The following ATP8A2 variants were observed in gnomAD, a reference collection of about 807,000 sequenced individuals.
ATP8A2 encodes the protein ATPase phospholipid transporting 8A2.
ATP8A2 carries 100 observed loss-of-function variants against 165.6 expected under a neutral mutation model. That is an observed-to-expected ratio of 0.60 (90% CI 0.51 to 0.71). The LOEUF is 0.71. ATP8A2 is among the 30% of genes least tolerant of loss of function. ATP8A2 has a pLI of 0.00. For synonymous variants in ATP8A2, 543 were observed against 548.8 expected, an observed-to-expected ratio of 0.99 and a Z score of 0.15; for missense variants, 1,227 against 1,479.5, an observed-to-expected ratio of 0.83 and a Z score of 2.80.
chr13:25,772,373 T>A (rs922780184), intron 26 of ATP8A2, among the ~76,000 whole-genome samples: 1 of 152,182 alleles, frequency 6.6e-6, no homozygotes, highest in Non-Finnish European at 1.5e-5. Flanking sequence ...CCCATTGAAG[T>A]TTAACATCAG....
intron 1 of ATP8A2, 172 bp from the exon 2 acceptor site, chr13:25,468,805 G>A (rs1315403197): frequency 3.1e-6 from 3 of 982,786 alleles, no homozygotes; most frequent in Non-Finnish European, 3.6e-6. Context: ...CTTGGCTGCC[G>A]CGGCACAGGC....
intron 33 of ATP8A2, among the ~76,000 whole-genome samples, chr13:25,895,352 T>G (rs912472786): frequency 7.9e-5 from 12 of 152,216 alleles, no homozygotes; most frequent in Non-Finnish European, 1.5e-4. Context: ...TTTTCGTATG[T>G]TGAACCAGCC....
Position 25,574,718 on chromosome 13 carries a change from C to G in ATP8A2, c.1663-90C>G, listed in dbSNP as rs1317728031. 6 of 789,812 alleles carry G rather than the reference C, an allele frequency of 7.6e-6. No individual in the cohort carries two copies. In the East Asian group the frequency reaches 1.5e-4, roughly 19 times the overall value. 48.9% of individuals were successfully genotyped at this position (789,812 alleles called of 1,614,324 possible). On this transcript the variant is annotated intron_variant, in intron 18 of 36. Coordinates refer to ENST00000381655, the MANE Select transcript of ATP8A2 (RefSeq NM_016529.6). ...AGAAGGTGGGAAGAGAGAGAGAGAG[C>G]ATATATATGTCTGTTTATGCTTGGG...
At chr13:25,435,392 TACAGGCGTGAACC>T (rs1465306061) in intron 1 of ATP8A2, among the ~76,000 whole-genome samples, 1 of 152,134 alleles carries the variant, frequency 6.6e-6, no homozygotes, top group Non-Finnish European at 1.5e-5. Flanking sequence ...GTCCTGAGAT[TACAGGCGTGAACC>T]ACCGCGCCCG....
intron 1 of ATP8A2, among the ~76,000 whole-genome samples, chr13:25,458,925 G>A (rs1178193583): frequency 6.6e-6 from 1 of 152,202 alleles, no homozygotes; most frequent in African/African-American, 2.4e-5. Context: ...AGCAGGTGCT[G>A]TAGTCTCTGC....
At chr13:25,860,927 A>G (rs1321526196) in intron 32 of ATP8A2, 67 bp downstream of exon 32, 18 of 1,124,596 alleles carry the variant, frequency 1.6e-5, no homozygotes, top group Non-Finnish European at 1.3e-6. Flanking sequence ...TTTCTTTTTA[A>G]GCCTTGGGGA....
At chr13:25,702,054 A>G (rs976656285) in intron 25 of ATP8A2, among the ~76,000 whole-genome samples, 1 of 152,226 alleles carries the variant, frequency 6.6e-6, no homozygotes, top group Non-Finnish European at 1.5e-5. Context: ...TGTACACTTC[A>G]GATGTACTTA....
chr13:25,679,304 G>A (rs1425369808), intron 24 of ATP8A2, among the ~76,000 whole-genome samples: 2 of 152,174 alleles, frequency 1.3e-5, no homozygotes, highest in East Asian at 3.9e-4. Flanking sequence ...GGACATTCTG[G>A]TTGTAAGCAC....
At chr13:25,656,436 C>G (rs915219566) in intron 24 of ATP8A2, among the ~76,000 whole-genome samples, 2 of 151,664 alleles carry the variant, frequency 1.3e-5, no homozygotes, top group African/African-American at 4.8e-5. Flanking sequence ...CCATGATGCC[C>G]GGCTAATTTT....
At chr13:25,869,643 G>T (rs1049777757) in intron 33 of ATP8A2, among the ~76,000 whole-genome samples, 1 of 152,254 alleles carries the variant, frequency 6.6e-6, no homozygotes, top group African/African-American at 2.4e-5. Context: ...AGACATGTCA[G>T]TAACAGTAGG....
intron 1 of ATP8A2, among the ~76,000 whole-genome samples, chr13:25,421,453 G>GC (rs998645096): frequency 4.6e-5 from 7 of 152,138 alleles, no homozygotes; most frequent in African/African-American, 1.7e-4. Context: ...TCCCACCTCA[G>GC]CCCCCCAAGT....
intron 33 of ATP8A2, among the ~76,000 whole-genome samples, chr13:25,952,128 T>C (rs1172709300): frequency 6.6e-6 from 1 of 152,202 alleles, no homozygotes; most frequent in Non-Finnish European, 1.5e-5. Context: ...ACACAGGGCT[T>C]CTGAAATGAG....
chr13:25,799,561 T>TA (rs1950575834), intron 27 of ATP8A2, among the ~76,000 whole-genome samples: 1 of 152,214 alleles, frequency 6.6e-6, no homozygotes, highest in African/African-American at 2.4e-5. Flanking sequence ...AGAAGTTTGT[T>TA]ACTTGAAAAT....
At chr13:25,845,893 T>A (rs1456667830) in intron 30 of ATP8A2, among the ~76,000 whole-genome samples, 1 of 152,058 alleles carries the variant, frequency 6.6e-6, no homozygotes, top group Non-Finnish European at 1.5e-5. Context: ...GATAAAAGAG[T>A]GGCTGGGCAC....
chr13:25,739,300 A>G lies in ATP8A2; in HGVS notation c.2385-29746A>G, dbSNP rs530285109. Among the ~76,000 whole-genome samples, 372 of 152,342 alleles carry G rather than the reference A, an allele frequency of 2.4e-3. 1 individual carries two copies. Among genetic ancestry groups the G allele is most frequent in the African/African-American group, 8.4e-3 (351 of 41,582 alleles). ...ATCAGGGGCTTTGAGTGTATCTCAC[A>G]TATCATAAGTGGAGCTTGTTCACCT... On this transcript the variant is annotated intron_variant, in intron 25 of 36. Coordinates refer to ENST00000381655, the MANE Select transcript of ATP8A2 (RefSeq NM_016529.6).
chr13:25,769,464 C>T (rs575410590), intron 26 of ATP8A2, among the ~76,000 whole-genome samples: 1 of 152,332 alleles, frequency 6.6e-6, no homozygotes, highest in South Asian at 2.1e-4. Flanking sequence ...GGCCAAGCTG[C>T]TCTGTGATCC....
chr13:26,017,040 G>A (rs1187543130), intron 36 of ATP8A2, among the ~76,000 whole-genome samples: 1 of 152,184 alleles, frequency 6.6e-6, no homozygotes, highest in Non-Finnish European at 1.5e-5. Context: ...GCAGCCACTT[G>A]GGGCCACCAG....
At chr13:25,976,780 T>TTTTG (rs373315805) in intron 35 of ATP8A2, among the ~76,000 whole-genome samples, 80 of 150,486 alleles carry the variant, frequency 5.3e-4, no homozygotes, top group African/African-American at 1.4e-3. Flanking sequence ...AAGCGGCTCA[T>TTTTG]TTTGTTTGTT....
chr13:25,523,973 C>CT (rs1330815132), intron 2 of ATP8A2, among the ~76,000 whole-genome samples: 5 of 151,744 alleles, frequency 3.3e-5, no homozygotes, highest in Admixed American at 3.3e-4. Flanking sequence ...AGTCTTTCTC[C>CT]TTTTTTGATG....
Sources: gnomAD v4.1 joint callset for allele counts (sites outside exome capture counted in the v4.1 genomes callset) on GRCh38, gnomAD v4.1.1 for gene constraint, MANE v1.5 for transcripts, NCBI Gene and HGNC (gene_info 2026-07-23, HGNC 2026-07-21) for gene names.